The following CSMD3 variants were observed in gnomAD, a reference collection of about 807,000 sequenced individuals.
The protein encoded by CSMD3 is CUB and sushi domain-containing protein 3.
A neutral mutation model predicts 435.2 loss-of-function variants in CSMD3; 177 were observed. That is an observed-to-expected ratio of 0.41 (90% CI 0.36 to 0.46). The LOEUF (loss-of-function observed/expected upper bound fraction) is 0.46. Among genes scored for constraint, CSMD3 ranks in the 20% least tolerant of loss-of-function variants. The pLI, the probability that CSMD3 is intolerant of heterozygous loss-of-function variation, is 0.34. For missense variants in CSMD3, 4,265 were observed against 4,504.6 expected (o/e 0.95, Z 1.52); for synonymous variants, 1,656 against 1,520.5 (o/e 1.09, Z -2.07).
intron 52 of CSMD3, among the ~76,000 whole-genome samples, chr8:112,303,174 T>C (rs1036496585): frequency 3.3e-5 from 5 of 152,158 alleles, no homozygotes; most frequent in Admixed American, 2.0e-4. Flanking sequence ...AAACAAATTA[T>C]TCTTTTTAAA....
chr8:113,121,742 T>C (rs577696165), intron 4 of CSMD3, among the ~76,000 whole-genome samples: 5 of 152,214 alleles, frequency 3.3e-5, no homozygotes, highest in Non-Finnish European at 7.4e-5. Flanking sequence ...GTTCCACTTC[T>C]GAAAAAAAAT....
At chr8:113,051,068 A>G (rs1347896274) in intron 5 of CSMD3, among the ~76,000 whole-genome samples, 2 of 152,160 alleles carry the variant, frequency 1.3e-5, no homozygotes, top group African/African-American at 4.8e-5. Flanking sequence ...TTTAGCGAAG[A>G]TTCAACATTA....
chr8:112,302,263 G>T (rs375612503), intron 52 of CSMD3, among the ~76,000 whole-genome samples: 1 of 146,238 alleles, frequency 6.8e-6, no homozygotes, highest in African/African-American at 2.5e-5. Flanking sequence ...TATAGTGGAT[G>T]AAAAACATCA....
intron 13 of CSMD3, among the ~76,000 whole-genome samples, chr8:112,723,267 A>G (rs1587081798): frequency 6.6e-6 from 1 of 152,178 alleles, no homozygotes; most frequent in East Asian, 1.9e-4. Flanking sequence ...TTTCTTGCCA[A>G]TAATGACAGA....
chr8:112,548,163 T>C (rs996631721), intron 27 of CSMD3, among the ~76,000 whole-genome samples: 5 of 152,146 alleles, frequency 3.3e-5, no homozygotes, highest in African/African-American at 7.2e-5. Context: ...TGTCTTCCTA[T>C]AGGGCAAAAT....
At chr8:113,231,630 A>T (rs1312160488) in intron 3 of CSMD3, among the ~76,000 whole-genome samples, 1 of 151,538 alleles carries the variant, frequency 6.6e-6, no homozygotes, top group Non-Finnish European at 1.5e-5. Flanking sequence ...ATTTACTGAT[A>T]ATCTAAGTCC....
chr8:113,105,378 C>T (rs959664452), intron 4 of CSMD3, among the ~76,000 whole-genome samples: 13 of 152,000 alleles, frequency 8.6e-5, no homozygotes, highest in Non-Finnish European at 1.8e-4. Context: ...CAGCTCAGTA[C>T]ATAGAATTCA....
chr8:112,261,768 C>T (rs1407183118), intron 61 of CSMD3, among the ~76,000 whole-genome samples: 1 of 151,894 alleles, frequency 6.6e-6, no homozygotes, highest in Admixed American at 6.6e-5. Flanking sequence ...ATTTACCCAC[C>T]CATCATGAGT....
chr8:113,134,306 T>C (rs1190661155), intron 4 of CSMD3, among the ~76,000 whole-genome samples: 1 of 152,242 alleles, frequency 6.6e-6, no homozygotes, highest in African/African-American at 2.4e-5. Context: ...TCATGTAGGC[T>C]TGAGGCTTTT....
chr8:112,748,625 G>A (rs905486369), intron 13 of CSMD3, among the ~76,000 whole-genome samples: 2 of 152,086 alleles, frequency 1.3e-5, no homozygotes, highest in African/African-American at 4.8e-5. Flanking sequence ...AGTTTACTAA[G>A]GATAATAGCT....
intron 49 of CSMD3, among the ~76,000 whole-genome samples, chr8:112,313,002 T>C (rs184542080): frequency 2.6e-5 from 4 of 152,294 alleles, no homozygotes; most frequent in Non-Finnish European, 4.4e-5. Flanking sequence ...TGAGGGATTC[T>C]GCTATTGAGC....
chr8:112,562,482 A>G (rs1166039640), intron 24 of CSMD3, among the ~76,000 whole-genome samples: 1 of 151,548 alleles, frequency 6.6e-6, no homozygotes. Flanking sequence ...TAATAGTAAA[A>G]ACTTCCAGAT....
At chr8:113,197,364 C>T (rs2092669827) in intron 3 of CSMD3, among the ~76,000 whole-genome samples, 1 of 150,922 alleles carries the variant, frequency 6.6e-6, no homozygotes, top group African/African-American at 2.4e-5. Flanking sequence ...ATCACCAAGA[C>T]ATTTCATTAT....
intron 1 of CSMD3, among the ~76,000 whole-genome samples, chr8:113,318,435 G>A (rs1351954482): frequency 6.6e-6 from 1 of 151,974 alleles, no homozygotes; most frequent in Non-Finnish European, 1.5e-5. Flanking sequence ...TGTTTGACAA[G>A]AGTAGCTAAA....
intron 23 of CSMD3, among the ~76,000 whole-genome samples, chr8:112,582,519 T>C (rs906397637): frequency 6.6e-6 from 1 of 151,452 alleles, no homozygotes; most frequent in Non-Finnish European, 1.5e-5. Flanking sequence ...CAGGAGAAAA[T>C]GTCAGGCACA....
chr8:113,263,613 G>C (rs1316368739), intron 3 of CSMD3, among the ~76,000 whole-genome samples: 1 of 151,636 alleles, frequency 6.6e-6, no homozygotes, highest in African/African-American at 2.4e-5. Context: ...ACTTTTGGGC[G>C]CTTCTTTTTT....
chr8:112,530,156 A>C (rs1825382340), intron 27 of CSMD3, among the ~76,000 whole-genome samples: 1 of 152,130 alleles, frequency 6.6e-6, no homozygotes, highest in Non-Finnish European at 1.5e-5. Context: ...AAGAAACCTT[A>C]AGGCTCACAA....
At chr8:112,397,243 T>A (rs1024378147) in intron 35 of CSMD3, among the ~76,000 whole-genome samples, 9 of 152,220 alleles carry the variant, frequency 5.9e-5, no homozygotes, top group African/African-American at 2.2e-4. Context: ...CTTAAACTTG[T>A]CTATCTTCTG....
At chr8:112,828,789 A>G (rs2079774796) in intron 12 of CSMD3, among the ~76,000 whole-genome samples, 1 of 152,184 alleles carries the variant, frequency 6.6e-6, no homozygotes, top group Non-Finnish European at 1.5e-5. Context: ...GATCAATGAT[A>G]TCCACGTTGC....
Sources: gnomAD v4.1 joint callset for allele counts (sites outside exome capture counted in the v4.1 genomes callset) on GRCh38, gnomAD v4.1.1 for gene constraint, MANE v1.5 for transcripts, NCBI Gene and HGNC (gene_info 2026-07-23, HGNC 2026-07-21) for gene names.